CD302: variants seen among roughly 807,000 people sequenced by gnomAD.
The protein encoded by CD302 is CD302 molecule.
In CD302, 23 loss-of-function variants were observed where a neutral mutation model predicts 26.5. That is an observed-to-expected ratio of 0.87 (90% CI 0.62 to 1.23). CD302 has a LOEUF of 1.23. CD302 is among the 50% of genes most tolerant of loss of function. The pLI, the probability that CD302 is intolerant of heterozygous loss-of-function variation, is 0.00. For missense variants in CD302, 290 were observed against 275.5 expected (o/e 1.05, Z -0.37); for synonymous variants, 90 against 99.4 (o/e 0.91, Z 0.56).
rs1560044982 is a variant in CD302, at chr2:159,781,017, G to A, written c.179-19C>T. 1.3e-6 allele frequency: 2 copies of A among 1,580,854 alleles called. No individual in the cohort carries two copies. Among genetic ancestry groups the A allele is most frequent in the Admixed American group, 1.9e-5 (1 of 51,334 alleles). On this transcript the variant is annotated intron_variant, in intron 2 of 5. Coordinates refer to ENST00000259053, the MANE Select transcript of CD302 (RefSeq NM_014880.5). ...TCCGCTCCTGAAATTATTTTAAAGA[G>A]AAAAAAAGTCAGCATATTCCAGAAT... is the stretch of plus-strand genomic sequence containing the variant.
chr2:159,785,641 G>A (rs1027324287), intron 1 of CD302, among the ~76,000 whole-genome samples: 3 of 151,864 alleles, frequency 2.0e-5, no homozygotes, highest in Non-Finnish European at 4.4e-5. Context: ...GCACTCAGTC[G>A]TCTCAGGTTC....
chr2:159,782,414 CA>C (rs72068957), intron 2 of CD302, among the ~76,000 whole-genome samples: 93 of 70,580 alleles, frequency 1.3e-3, no homozygotes, highest in Middle Eastern at 9.3e-3. Flanking sequence ...CTCCATCTCA[CA>C]AAAAAAAAAA....
intron 5 of CD302, among the ~76,000 whole-genome samples, chr2:159,776,718 T>C (rs1325849100): frequency 1.4e-5 from 1 of 70,114 alleles, no homozygotes; most frequent in Non-Finnish European, 2.5e-5. Flanking sequence ...TTTTTTTTTT[T>C]TTTTGTGAGA....
chr2:159,798,108 G>C (rs368187159), intron 1 of CD302, 24 bp downstream of exon 1: 1 of 1,495,558 alleles, frequency 6.7e-7, no homozygotes, highest in South Asian at 1.2e-5. Context: ...CACGGTCCCG[G>C]CGAGGGACTA....
chr2:159,781,006 T>G lies in CD302; in HGVS notation c.179-8A>C. On this transcript the variant is annotated splice_region_variant and splice_polypyrimidine_tract_variant and intron_variant, in intron 2 of 5. Coordinates refer to ENST00000259053, the MANE Select transcript of CD302 (RefSeq NM_014880.5). ...TGCTTATCATGTCCGCTCCTGAAAT[T>G]ATTTTAAAGAGAAAAAAAGTCAGCA... The G allele has an allele frequency of 6.3e-7, 1 of 1,593,798 alleles. No homozygotes were observed. The highest frequency in any genetic ancestry group is 8.5e-7 in the Non-Finnish European group (1 of 1,174,386).
At chr2:159,772,122 G>A in intron 5 of CD302, 69 bp from the exon 6 acceptor site, 1 of 1,511,760 alleles carries the variant, frequency 6.6e-7, no homozygotes, top group South Asian at 1.2e-5. Context: ...ATTTTGATGA[G>A]CACAACTGTA....
chr2:159,795,154 T>C (rs1574505903), intron 1 of CD302, among the ~76,000 whole-genome samples: 1 of 149,302 alleles, frequency 6.7e-6, no homozygotes, highest in Non-Finnish European at 1.5e-5. Flanking sequence ...ACCCAGAAGG[T>C]AGAGGTTGCT....
chr2:159,785,032 T>G (rs1198317659), intron 1 of CD302, among the ~76,000 whole-genome samples: 1 of 147,326 alleles, frequency 6.8e-6, no homozygotes, highest in Admixed American at 7.0e-5. Flanking sequence ...TAGAGTGCAG[T>G]GGCATGACCT....
At position 159,788,591 on chromosome 2, in the gene CD302, T is replaced by A. The variant is rs565037098; in HGVS notation, c.68-5122A>T. Among the ~76,000 whole-genome samples the A allele has an allele frequency of 1.5e-4, 23 of 152,362 alleles. 1 individual carries two copies. In the South Asian group the frequency reaches 4.8e-3, roughly 32 times the overall value. ...TATAGTTTTGTTGCTTGGGCTTCCA[T>A]CATTTCTACTGAGAAGTTAACTGTC... On this transcript the variant is annotated intron_variant, in intron 1 of 5. Transcript: ENST00000259053.
intron 1 of CD302, among the ~76,000 whole-genome samples, chr2:159,797,085 C>T (rs367784347): frequency 6.6e-6 from 1 of 152,072 alleles, no homozygotes; most frequent in Non-Finnish European, 1.5e-5. Context: ...CAGAAGTTTT[C>T]AAGAAAGGAA....
At chr2:159,781,101 T>G in intron 2 of CD302, 103 bp from the exon 3 acceptor site, 2 of 908,602 alleles carry the variant, frequency 2.2e-6, no homozygotes, top group Non-Finnish European at 3.3e-6. Context: ...TCTATATATA[T>G]TAGAGCTGGA....
intron 2 of CD302, 132 bp from the exon 3 acceptor site, chr2:159,781,130 C>G: frequency 1.4e-6 from 1 of 705,376 alleles, no homozygotes; most frequent in Non-Finnish European, 2.3e-6. Context: ...TTTGATCTTA[C>G]AGTTCATACA....
At chr2:159,797,687 C>A (rs73967921) in intron 1 of CD302, among the ~76,000 whole-genome samples, 4,858 of 152,258 alleles carry the variant, frequency 0.032, 245 homozygotes, top group African/African-American at 0.11. Context: ...CTACTTCCTC[C>A]GGCCCCCACC....
intron 3 of CD302, 89 bp downstream of exon 3, chr2:159,780,793 A>G (rs995458569): frequency 5.7e-6 from 7 of 1,234,564 alleles, no homozygotes; most frequent in East Asian, 2.3e-5. Flanking sequence ...GGAATCATCA[A>G]CTTGAACCAG....
At position 159,783,385 on chromosome 2, in the gene CD302, T is replaced by C. The variant is rs752863997; in HGVS notation, c.152A>G (p.Asp51Gly). 1.2e-6 allele frequency: 2 copies of C among 1,608,110 alleles called. No individual in the cohort carries two copies. The highest frequency in any genetic ancestry group is 1.7e-6 in the Non-Finnish European group (2 of 1,178,500). ...ATGGTCAGTACACTGATTTCTGACA[T>C]CCTCTATGCTTTCTACTTTGATGGC... ...QEAIKVESIEDVRNQCTDHGA... is the reference protein window; with the variant it reads ...QEAIKVESIEGVRNQCTDHGA... Residue 51 changes from aspartate (D) to glycine (G), a missense_variant, in exon 2 of 6, where the codon GAT becomes GGT. Asp to Gly is a moderately conservative substitution (Grantham distance 94). Coordinates refer to ENST00000259053, the MANE Select transcript of CD302 (RefSeq NM_014880.5).
Position 159,780,013 on chromosome 2 carries a change from T to C in CD302, c.461A>G (p.Lys154Arg), listed in dbSNP as rs375428874. ...CCTTCGGTCATACTTACTAGCTGTT[T>C]TGCATAGTGTTCCTTCCACAGAAGA... The part of the protein sequence containing the change: ...EVSSVEGTLC[K>R]TAIPYKRKYL... Residue 154 changes from lysine (K) to arginine (R), a missense_variant, in exon 4 of 6, where the codon AAA becomes AGA. Coordinates refer to ENST00000259053, the MANE Select transcript of CD302 (RefSeq NM_014880.5). The C allele has an allele frequency of 4.3e-6, 7 of 1,613,466 alleles. No homozygotes were observed. Among genetic ancestry groups the C allele is most frequent in the Non-Finnish European group, 5.9e-6 (7 of 1,179,746 alleles).
At chr2:159,790,263 T>A (rs1708773999) in intron 1 of CD302, among the ~76,000 whole-genome samples, 1 of 152,062 alleles carries the variant, frequency 6.6e-6, no homozygotes. Flanking sequence ...TGCTATGAGA[T>A]GTAGGAGAAG....
chr2:159,776,685 G>A (rs925625325), intron 5 of CD302, among the ~76,000 whole-genome samples: 1 of 149,038 alleles, frequency 6.7e-6, no homozygotes, highest in African/African-American at 2.5e-5. Flanking sequence ...ACTGGCAAAG[G>A]ACTCACATCC....
Position 159,777,946 on chromosome 2 carries a change from T to G in CD302, c.488A>C (p.Tyr163Ser), listed in dbSNP as rs778882092. ...ACCAAATCATTACTTACCTGATAAA[T>G]ATTTCCTTTTGTATGGGACTAAAAT... ...CKTAIPYKRK[Y>S]LSDNHILISA... Residue 163 changes from tyrosine to serine, a missense_variant, in exon 5 of 6, where the codon TAT (tyrosine) becomes TCT (serine). By Grantham distance (144) the Tyr-to-Ser change is moderately radical. Transcript: ENST00000259053. 3.0e-6 allele frequency: 3 copies of G among 1,009,766 alleles called. No individual in the cohort carries two copies. In the South Asian group the frequency reaches 4.5e-5, roughly 15 times the overall value. The allele number at this position is 1,009,766 out of a possible 1,614,324, so 62.6% of individuals were successfully genotyped here.
Sources: gnomAD v4.1 joint callset for allele counts (sites outside exome capture counted in the v4.1 genomes callset) on GRCh38, gnomAD v4.1.1 for gene constraint, MANE v1.5 for transcripts, NCBI Gene and HGNC (gene_info 2026-07-23, HGNC 2026-07-21) for gene names.